The following MAP3K21 variants were observed in gnomAD, a reference collection of about 807,000 sequenced individuals.
MAP3K21 encodes the protein mitogen-activated protein kinase kinase kinase MLK4.
MAP3K21 carries 63 observed loss-of-function variants against 86.1 expected under a neutral mutation model. The observed-to-expected ratio is 0.73, with a 90% CI of 0.60 to 0.90. MAP3K21 has a LOEUF of 0.90. Among genes scored for constraint, MAP3K21 ranks in the 40% least tolerant of loss-of-function variants. The probability of loss-of-function intolerance (pLI) is 0.00; values close to 1 mark genes in which losing one functional copy is unlikely to be tolerated. For synonymous variants in MAP3K21, 558 were observed against 564.8 expected, an observed-to-expected ratio of 0.99 and a Z score of 0.17; for missense variants, 1,220 against 1,367.7, an observed-to-expected ratio of 0.89 and a Z score of 1.70.
chr1:233,367,896 C>G (rs1367568406), intron 5 of MAP3K21, among the ~76,000 whole-genome samples: 1 of 151,212 alleles, frequency 6.6e-6, no homozygotes, highest in Non-Finnish European at 1.5e-5. Context: ...TTTCTGTTTA[C>G]AACATAAAGT....
At chr1:233,360,917 A>G (rs958226060) in intron 4 of MAP3K21, among the ~76,000 whole-genome samples, 1 of 152,234 alleles carries the variant, frequency 6.6e-6, no homozygotes, top group Non-Finnish European at 1.5e-5. Flanking sequence ...TCAGAGCCCA[A>G]CACTCCACCT....
chr1:233,378,623 T>C (rs150646349), intron 8 of MAP3K21, among the ~76,000 whole-genome samples: 1 of 152,310 alleles, frequency 6.6e-6, no homozygotes, highest in Non-Finnish European at 1.5e-5. Flanking sequence ...TTGTGCGTTT[T>C]TGTGTTTTGA....
At chr1:233,360,479 G>A (rs1368663674) in intron 4 of MAP3K21, among the ~76,000 whole-genome samples, 1 of 152,060 alleles carries the variant, frequency 6.6e-6, no homozygotes, top group East Asian at 1.9e-4. Flanking sequence ...AGTTTTTCTT[G>A]TGAAATTTGT....
intron 5 of MAP3K21, 109 bp downstream of exon 5, chr1:233,362,402 C>T: frequency 8.5e-7 from 1 of 1,179,860 alleles, no homozygotes; most frequent in Non-Finnish European, 1.2e-6. Flanking sequence ...CTTTGTAAAA[C>T]AGTGAATGAA....
At chr1:233,335,062 A>G (rs1662887447) in intron 1 of MAP3K21, among the ~76,000 whole-genome samples, 1 of 151,154 alleles carries the variant, frequency 6.6e-6, no homozygotes. Context: ...AATATTCTCT[A>G]GCTTTACCGT....
rs1220998575 is a variant in MAP3K21, at chr1:233,383,075, C to A, written c.*364C>A. The A allele has an allele frequency of 6.3e-6, 1 of 157,826 alleles. No homozygotes were observed. Among genetic ancestry groups the A allele is most frequent in the East Asian group, 1.9e-4 (1 of 5,392 alleles). The allele number at this position is 157,826 out of a possible 1,614,324, so 9.8% of individuals were successfully genotyped here. On this transcript the variant is annotated 3_prime_UTR_variant, in exon 10 of 10. Transcript: ENST00000366624. ...GTAATGAGCTTCACTATTTTTGTTT[C>A]TTTCCTTCCTTTTTTTTCTTTTTTC...
chr1:233,361,280 C>G (rs908909935), intron 4 of MAP3K21, among the ~76,000 whole-genome samples: 6 of 152,046 alleles, frequency 3.9e-5, no homozygotes, highest in African/African-American at 1.4e-4. Flanking sequence ...AAACCAAAAC[C>G]AAGATGAGGT....
chr1:233,373,714 G>A (rs1202335550), intron 6 of MAP3K21: 1 of 152,242 alleles, frequency 6.6e-6, no homozygotes, highest in African/African-American at 2.4e-5. Context: ...GCCTCATTGA[G>A]TGGACCCTTT....
intron 1 of MAP3K21, among the ~76,000 whole-genome samples, chr1:233,335,874 G>A (rs1662902577): frequency 6.6e-6 from 1 of 152,164 alleles, no homozygotes; most frequent in Admixed American, 6.5e-5. Flanking sequence ...GAGGATGGTG[G>A]CATTTATTTG....
intron 4 of MAP3K21, among the ~76,000 whole-genome samples, chr1:233,361,033 A>G (rs1663458141): frequency 6.6e-6 from 1 of 152,222 alleles, no homozygotes; most frequent in Non-Finnish European, 1.5e-5. Flanking sequence ...GTTGATTTTT[A>G]TGTGAGTGCT....
intron 1 of MAP3K21, among the ~76,000 whole-genome samples, chr1:233,337,057 A>T (rs142524878): frequency 6.6e-6 from 1 of 152,200 alleles, no homozygotes; most frequent in African/African-American, 2.4e-5. Flanking sequence ...GTCTGACTCC[A>T]CTAGCTTTTT....
At chr1:233,376,212 A>C in intron 7 of MAP3K21, 146 bp downstream of exon 7, 1 of 768,824 alleles carries the variant, frequency 1.3e-6, no homozygotes, top group Non-Finnish European at 2.1e-6. Context: ...TGAATTTATC[A>C]TGCTAAATTA....
intron 2 of MAP3K21, among the ~76,000 whole-genome samples, chr1:233,349,747 G>A (rs1231952910): frequency 6.6e-6 from 1 of 152,094 alleles, no homozygotes; most frequent in Admixed American, 6.5e-5. Context: ...GACCATCCTG[G>A]TCAACATGGT....
At chr1:233,370,958 A>G (rs973956925) in intron 5 of MAP3K21, among the ~76,000 whole-genome samples, 1 of 152,240 alleles carries the variant, frequency 6.6e-6, no homozygotes, top group African/African-American at 2.4e-5. Flanking sequence ...GCTTAAGCTC[A>G]GCTCTGCACT....
Position 233,328,486 on chromosome 1 carries a change from C to A in MAP3K21, c.458C>A (p.Ala153Glu). 1 of 1,508,770 alleles carries A rather than the reference C, an allele frequency of 6.6e-7. No individual in the cohort carries two copies. 93.5% of individuals were successfully genotyped at this position (1,508,770 alleles called of 1,614,324 possible). Residue 153 changes from alanine (A) to glutamate (E), a missense_variant, in exon 1 of 10, where the codon GCG becomes GAG. Ala to Glu is a moderately radical substitution (Grantham distance 107). Coordinates refer to ENST00000366624, the MANE Select transcript of MAP3K21 (RefSeq NM_032435.3). This position sits in a 1 kb window ranked among gnomAD's most constrained non-coding sequence, Gnocchi z 8.7. ...GGCCAGGAGGTGGCCGTGAAGGCGG[C>A]GCGCCAGGACCCGGAGCAGGACGCG... ...WQGQEVAVKA[A>E]RQDPEQDAAA...
intron 4 of MAP3K21, among the ~76,000 whole-genome samples, chr1:233,359,794 G>A (rs1473159859): frequency 2.6e-5 from 4 of 152,208 alleles, no homozygotes; most frequent in Non-Finnish European, 5.9e-5. Context: ...CTCATCAACC[G>A]AAAGAATGTT....
intron 1 of MAP3K21, among the ~76,000 whole-genome samples, chr1:233,343,115 A>G (rs1247742985): frequency 1.3e-5 from 2 of 152,142 alleles, no homozygotes; most frequent in East Asian, 1.9e-4. Context: ...GGTTCCCTCC[A>G]ATTGCATTAG....
rs752190705 is a variant in MAP3K21, at chr1:233,328,524, G to A, written c.496G>A (p.Glu166Lys). ...DPEQDAAAAA[E>K]SVRREARLFA... The stretch of plus-strand genomic sequence containing the variant: ...GGAGCAGGACGCGGCGGCGGCTGCC[G>A]AGAGCGTGCGGCGCGAGGCTCGGCT... Residue 166 changes from glutamate to lysine, a missense_variant, in exon 1 of 10, where the codon GAG (glutamate) becomes AAG (lysine). By Grantham distance (56) the Glu-to-Lys change is moderately conservative. Around this residue, in one of 5 missense-constraint regions of MAP3K21, gnomAD observed 369 missense variants for 385.3 expected, o/e 0.96. Coordinates refer to ENST00000366624, the MANE Select transcript of MAP3K21 (RefSeq NM_032435.3). This position sits in a 1 kb window ranked among gnomAD's most constrained non-coding sequence, Gnocchi z 8.7. 2 of 1,529,928 alleles carry A rather than the reference G, an allele frequency of 1.3e-6. No individual in the cohort carries two copies. The highest frequency in any genetic ancestry group is 1.7e-6 in the Non-Finnish European group (2 of 1,149,256). The allele number at this position is 1,529,928 out of a possible 1,614,324, so 94.8% of individuals were successfully genotyped here. A position where few individuals can be genotyped will look rare whatever the true frequency, so the allele number is the denominator to read the frequency against.
At chr1:233,330,548 G>T (rs932250018) in intron 1 of MAP3K21, among the ~76,000 whole-genome samples, 1 of 152,104 alleles carries the variant, frequency 6.6e-6, no homozygotes, top group Admixed American at 6.5e-5. Flanking sequence ...GAAAGCCTGC[G>T]TCTGTTAGGA....
Sources: gnomAD v4.1 joint callset for allele counts (sites outside exome capture counted in the v4.1 genomes callset) on GRCh38, gnomAD v4.1.1 for gene constraint, gnomAD v4.1.1 regional missense constraint, Gnocchi (gnomAD v3.1) non-coding constraint, MANE v1.5 for transcripts, NCBI Gene and HGNC (gene_info 2026-07-23, HGNC 2026-07-21) for gene names.